WWOX: variants seen among roughly 807,000 people sequenced by gnomAD.
The protein encoded by WWOX is WW domain containing oxidoreductase.
WWOX carries 69 observed loss-of-function variants against 46.2 expected under a neutral mutation model. That is an observed-to-expected ratio of 1.49 (90% confidence interval 1.23 to 1.82). WWOX has a LOEUF of 1.82. Among genes scored for constraint, WWOX ranks in the 40% most tolerant of loss-of-function variants. WWOX has a pLI of 0.00. For missense variants in WWOX, 919 were observed against 542.6 expected (o/e 1.69, Z -6.89); for synonymous variants, 359 against 202.6 (o/e 1.77, Z -6.56).
intron 8 of WWOX, among the ~76,000 whole-genome samples, chr16:78,499,934 C>G (rs1456435058): frequency 6.6e-6 from 1 of 152,102 alleles, no homozygotes; most frequent in Non-Finnish European, 1.5e-5. Flanking sequence ...TTAAGTAGTA[C>G]CAAATGGTCC....
intron 8 of WWOX, among the ~76,000 whole-genome samples, chr16:78,687,200 G>C (rs1415498499): frequency 2.0e-5 from 3 of 151,988 alleles, no homozygotes. Flanking sequence ...TCTTGTCTCT[G>C]TTCATGATAT....
At chr16:78,479,416 T>G (rs1418297893) in intron 8 of WWOX, among the ~76,000 whole-genome samples, 1 of 152,242 alleles carries the variant, frequency 6.6e-6, no homozygotes, top group Non-Finnish European at 1.5e-5. Flanking sequence ...TTGTAATGTT[T>G]TAAAGCTTTT....
At chr16:78,546,389 G>A (rs2044032182) in intron 8 of WWOX, among the ~76,000 whole-genome samples, 1 of 152,118 alleles carries the variant, frequency 6.6e-6, no homozygotes, top group African/African-American at 2.4e-5. Context: ...TTCGGGACTT[G>A]AAAGGCAGCC....
intron 4 of WWOX, among the ~76,000 whole-genome samples, chr16:78,124,911 C>T (rs1268765701): frequency 1.3e-5 from 2 of 152,122 alleles, no homozygotes; most frequent in South Asian, 2.1e-4. Flanking sequence ...AAACCTATTT[C>T]AGTGTCTCTA....
intron 8 of WWOX, among the ~76,000 whole-genome samples, chr16:78,725,239 C>G (rs923650374): frequency 2.0e-5 from 3 of 151,762 alleles, no homozygotes; most frequent in African/African-American, 7.3e-5. Flanking sequence ...ATTGTGAGGT[C>G]TCCCCAGCCA....
intron 8 of WWOX, among the ~76,000 whole-genome samples, chr16:78,722,071 G>A (rs968026179): frequency 4.6e-5 from 7 of 152,154 alleles, no homozygotes; most frequent in African/African-American, 1.7e-4. Flanking sequence ...CTAAGACTTT[G>A]TATTATATTT....
chr16:78,165,064 C>T (rs944360986), intron 5 of WWOX, among the ~76,000 whole-genome samples: 1 of 152,170 alleles, frequency 6.6e-6, no homozygotes, highest in African/African-American at 2.4e-5. Flanking sequence ...TTTCAAGGAT[C>T]ATCAGGGAAG....
chr16:79,173,148 C>T (rs1480090638), intron 8 of WWOX, among the ~76,000 whole-genome samples: 1 of 152,190 alleles, frequency 6.6e-6, no homozygotes, highest in Non-Finnish European at 1.5e-5. Flanking sequence ...CATGTGTGCC[C>T]ATGTCTCTGG....
chr16:78,847,594 T>TA (rs1273466255), intron 8 of WWOX, among the ~76,000 whole-genome samples: 3 of 152,000 alleles, frequency 2.0e-5, no homozygotes, highest in African/African-American at 2.4e-5. Flanking sequence ...TCAGCTTCCC[T>TA]AAGTGTTGGG....
At chr16:78,847,578 C>G (rs2052333413) in intron 8 of WWOX, among the ~76,000 whole-genome samples, 1 of 152,014 alleles carries the variant, frequency 6.6e-6, no homozygotes, top group Non-Finnish European at 1.5e-5. Context: ...AAGCGATTCT[C>G]CCGCCTCAGC....
intron 8 of WWOX, among the ~76,000 whole-genome samples, chr16:78,857,767 G>C (rs539445004): frequency 6.6e-6 from 1 of 152,266 alleles, no homozygotes; most frequent in Admixed American, 6.5e-5. Flanking sequence ...TTTCCAAAAA[G>C]TTTTCCTTTA....
chr16:78,698,863 AACCTT>A (rs1378691872), intron 8 of WWOX, among the ~76,000 whole-genome samples: 2 of 152,154 alleles, frequency 1.3e-5, no homozygotes, highest in African/African-American at 4.8e-5. Context: ...AAAACAAACA[AACCTT>A]AAGTTTTCTT....
chr16:78,144,731 G>A (rs2034139712), intron 4 of WWOX, among the ~76,000 whole-genome samples: 1 of 150,936 alleles, frequency 6.6e-6, no homozygotes, highest in South Asian at 2.1e-4. Flanking sequence ...GTATTGGCCA[G>A]GCCAGTCTCA....
intron 5 of WWOX, among the ~76,000 whole-genome samples, chr16:78,346,152 T>A (rs1230864199): frequency 8.2e-6 from 1 of 121,336 alleles, no homozygotes; most frequent in East Asian, 1.9e-4. Context: ...TCTGGTTTCT[T>A]TCATTCCACA....
rs111865754 is a variant in WWOX, at chr16:79,032,015, C to G, written c.1057-179593C>G. On this transcript the variant is annotated intron_variant, in intron 8 of 8. Transcript: ENST00000566780. ...TTATTTTGGGCTGTTATTAGGTAGA[C>G]TCTCCTGGGACATTCTACACAGCTC... Among the ~76,000 whole-genome samples, 3 of 143,980 alleles carry G rather than the reference C, an allele frequency of 2.1e-5. 1 individual carries two copies. The highest frequency in any genetic ancestry group is 2.0e-4 in the East Asian group (1 of 5,024). 94.5% of individuals were successfully genotyped at this position (143,980 alleles called of 152,430 possible).
At chr16:78,649,295 T>C (rs1275560374) in intron 8 of WWOX, among the ~76,000 whole-genome samples, 1 of 152,046 alleles carries the variant, frequency 6.6e-6, no homozygotes, top group Non-Finnish European at 1.5e-5. Flanking sequence ...TGTTTTTAAT[T>C]TTTTTAGAGA....
intron 5 of WWOX, among the ~76,000 whole-genome samples, chr16:78,296,396 T>C (rs1025653753): frequency 6.6e-6 from 1 of 152,072 alleles, no homozygotes; most frequent in Non-Finnish European, 1.5e-5. Flanking sequence ...GAACTGGTTA[T>C]TTCAGGAAGG....
chr16:78,186,481 A>G (rs1229495687), intron 5 of WWOX, among the ~76,000 whole-genome samples: 1 of 152,234 alleles, frequency 6.6e-6, no homozygotes, highest in Admixed American at 6.5e-5. Context: ...GCTTTATTTT[A>G]TGCCAGATGC....
intron 6 of WWOX, among the ~76,000 whole-genome samples, chr16:78,417,454 G>A (rs1045707578): frequency 1.5e-4 from 23 of 151,854 alleles, no homozygotes; most frequent in South Asian, 1.2e-3. Flanking sequence ...TATATGTCAC[G>A]TAGGGTTCTT....
Sources: allele counts gnomAD v4.1 joint callset (sites outside exome capture counted in the v4.1 genomes callset), GRCh38; gene constraint gnomAD v4.1.1; transcripts MANE v1.5; gene names NCBI Gene and HGNC (gene_info 2026-07-23, HGNC 2026-07-21).